The following SALL3 variants were observed in gnomAD, a reference collection of about 807,000 sequenced individuals.
The protein encoded by SALL3 is sal-like protein 3.
A neutral mutation model predicts 66.2 loss-of-function variants in SALL3; 25 were observed. That is an observed-to-expected ratio of 0.38 (90% confidence interval 0.28 to 0.53). The LOEUF is 0.53. Among genes scored for constraint, SALL3 ranks in the 20% least tolerant of loss-of-function variants. The pLI is 0.85. For synonymous variants in SALL3, 1,152 were observed against 899.1 expected, an observed-to-expected ratio of 1.28 and a Z score of -5.03; for missense variants, 2,194 against 1,916.5, an observed-to-expected ratio of 1.14 and a Z score of -2.70.
chr18:78,988,098 C>A (rs1914308011), intron 1 of SALL3, among the ~76,000 whole-genome samples: 1 of 152,102 alleles, frequency 6.6e-6, no homozygotes, highest in South Asian at 2.1e-4. Context: ...AAGTTTAGGC[C>A]ATATTAATTA....
At chr18:78,996,798 C>T (rs538230112) in intron 2 of SALL3, 93 bp from the exon 3 acceptor site, 16 of 1,303,208 alleles carry the variant, frequency 1.2e-5, no homozygotes, top group Admixed American at 8.2e-5. Context: ...CGCTTGGGAG[C>T]GGGGTGGACC....
chr18:78,996,987 C>G lies in SALL3; in HGVS notation c.3568C>G (p.Leu1190Val), dbSNP rs759144550. Residue 1190 changes from leucine (L) to valine (V), a missense_variant, in exon 3 of 3, where the codon CTG (leucine) becomes GTG (valine). Coordinates refer to ENST00000537592, the MANE Select transcript of SALL3 (RefSeq NM_171999.4). Reference protein sequence around the residue: ...NPMALLGGDALKFSEMFQKDL... With the variant: ...NPMALLGGDAVKFSEMFQKDL... ...CATGGCTCTCCTAGGGGGTGATGCC[C>G]TGAAGTTCTCTGAAATGTTCCAGAA... 5 of 1,613,980 alleles carry G rather than the reference C, an allele frequency of 3.1e-6. No homozygotes were observed. Among genetic ancestry groups the G allele is most frequent in the Non-Finnish European group, 4.2e-6 (5 of 1,180,056 alleles).
rs1328677347 is a variant in SALL3, at chr18:78,992,920, C to A, written c.929C>A (p.Ala310Glu). 1.0e-6 allele frequency: 1 copy of A among 993,070 alleles called. No homozygotes were observed. The highest frequency in any genetic ancestry group is 1.8e-5 in the African/African-American group (1 of 56,740). The allele number at this position is 993,070 out of a possible 1,614,324, so 61.5% of individuals were successfully genotyped here. A position where few individuals can be genotyped will look rare whatever the true frequency, so the allele number is the denominator to read the frequency against. The stretch of plus-strand genomic sequence containing the variant: ...CCCGGCGGCCCTGCGGAGCCCAGCG[C>A]GCCCGCCGCCCCCAGCGCCGCCCCT... Reference protein sequence around the residue: ...STPGGPAEPSAPAAPSAAPAP... With the variant: ...STPGGPAEPSEPAAPSAAPAP... The change falls in exon 2 of 3, where the codon GCG becomes GAG. Residue 310 changes from alanine (A) to glutamate (E), a missense_variant. Ala to Glu is a moderately radical substitution (Grantham distance 107, BLOSUM62 -1). Transcript: ENST00000537592.
chr18:78,996,862 C>T (rs933535711), intron 2 of SALL3, 29 bp from the exon 3 acceptor site: 5 of 1,574,688 alleles, frequency 3.2e-6, no homozygotes, highest in Non-Finnish European at 4.3e-6. Context: ...TAGGCACTTA[C>T]TCGTGGGCTG....
In SALL3 at chr18:78,992,164, C is replaced by G; in HGVS notation, c.173C>G (p.Ala58Gly). ...EETSVCEKCC[A>G]EFFKWADFLE... ...ACCAGCGTGTGCGAGAAATGCTGCG[C>G]CGAGTTCTTCAAGTGGGCGGACTTC... is the stretch of plus-strand genomic sequence containing the variant. The change falls in exon 2 of 3, where the codon GCC becomes GGC. Residue 58 changes from alanine (A) to glycine (G), a missense_variant. Ala to Gly is a moderately conservative substitution (Grantham distance 60, BLOSUM62 0). Transcript: ENST00000537592. 6.2e-7 allele frequency: 1 copy of G among 1,609,312 alleles called. No homozygotes were observed.
intron 1 of SALL3, among the ~76,000 whole-genome samples, chr18:78,984,285 A>G (rs1214795569): frequency 6.6e-6 from 1 of 152,224 alleles, no homozygotes; most frequent in East Asian, 1.9e-4. Flanking sequence ...GCTGACCATT[A>G]GTTGGAATTT....
At chr18:78,981,253 C>T (rs1349599825) in intron 1 of SALL3, among the ~76,000 whole-genome samples, 1 of 152,144 alleles carries the variant, frequency 6.6e-6, no homozygotes, top group East Asian at 1.9e-4. Context: ...CGAGTCAAAA[C>T]CTCGGCCGGC....
chr18:78,992,074 C>T lies in SALL3; in HGVS notation c.83C>T (p.Ala28Val), dbSNP rs775616927. The T allele has an allele frequency of 4.0e-6, 6 of 1,481,570 alleles. No homozygotes were observed. The highest frequency in any genetic ancestry group is 1.8e-4 in the Middle Eastern group (1 of 5,544). The allele number at this position is 1,481,570 out of a possible 1,614,324, so 91.8% of individuals were successfully genotyped here. Residue 28 changes from alanine (A) to valine (V), a missense_variant and splice_region_variant, in exon 2 of 3, where the codon GCC becomes GTC. Coordinates refer to ENST00000537592, the MANE Select transcript of SALL3 (RefSeq NM_171999.4). The stretch of plus-strand genomic sequence containing the variant: ...CTGACTCACTCTCTTGGTCTTGCAG[C>T]CGCCCCGGGGGAAGGTGCGGAGGAC... Reference protein sequence around the residue: ...LLPPDGAPEHAAPGEGAEDAD... With the variant: ...LLPPDGAPEHVAPGEGAEDAD...
At chr18:78,987,073 G>A (rs1461222906) in intron 1 of SALL3, among the ~76,000 whole-genome samples, 1 of 151,774 alleles carries the variant, frequency 6.6e-6, no homozygotes, top group African/African-American at 2.4e-5. Flanking sequence ...ACCTGTTTTA[G>A]GTTTTTTCTC....
rs776462630 is a variant in SALL3, at chr18:78,997,327, T to A, written c.*5T>A. The A allele has an allele frequency of 2.1e-5, 34 of 1,610,098 alleles. No homozygotes were observed. Among genetic ancestry groups the A allele is most frequent in the Non-Finnish European group, 2.7e-5 (32 of 1,177,496 alleles). On this transcript the variant is annotated 3_prime_UTR_variant, in exon 3 of 3. Transcript: ENST00000537592. The stretch of plus-strand genomic sequence containing the variant: ...AAGGAGATTGGTATCAACTAGCCAG[T>A]GACTCGCTCATCTGCCCTGCCCAGG...
Position 78,997,454 on chromosome 18 carries a change from G to A in SALL3, c.*132G>A. On this transcript the variant is annotated 3_prime_UTR_variant, in exon 3 of 3. Coordinates refer to ENST00000537592, the MANE Select transcript of SALL3 (RefSeq NM_171999.4). ...AAAACACTTTGTGCGGCTGCCGAGAGGTGGTCTTGTAAGCGCTGCATGGCG... is the reference window on the plus strand; with the variant it reads ...AAAACACTTTGTGCGGCTGCCGAGAAGTGGTCTTGTAAGCGCTGCATGGCG... 2 of 903,702 alleles carry A rather than the reference G, an allele frequency of 2.2e-6. No homozygotes were observed. Among genetic ancestry groups the A allele is most frequent in the Non-Finnish European group, 3.4e-6 (2 of 593,694 alleles). 56.0% of individuals were successfully genotyped at this position (903,702 alleles called of 1,614,324 possible).
At chr18:78,980,378 T>G in intron 1 of SALL3, 22 bp downstream of exon 1, 2 of 1,383,708 alleles carry the variant, frequency 1.4e-6, no homozygotes, top group Non-Finnish European at 1.9e-6. Context: ...GGCTGCGGGG[T>G]GGCCGGGGGG....
rs1264048516 is a variant in SALL3, at chr18:78,992,370, G to A, written c.379G>A (p.Val127Met). 2.0e-5 allele frequency: 27 copies of A among 1,335,810 alleles called. No individual in the cohort carries two copies. Among genetic ancestry groups the A allele is most frequent in the Non-Finnish European group, 2.6e-5 (27 of 1,049,804 alleles). 82.7% of individuals were successfully genotyped at this position (1,335,810 alleles called of 1,614,324 possible). A position where few individuals can be genotyped will look rare whatever the true frequency, so the allele number is the denominator to read the frequency against. Reference sequence around the variant, plus strand: ...GGGCGCGGAGGGCGAGGCCAGGCCGGTGGAGAAGGAGGCCGAGCCCATGGA... The same window carrying A: ...GGGCGCGGAGGGCGAGGCCAGGCCGATGGAGAAGGAGGCCGAGCCCATGGA... ...AEGAEGEARP[V>M]EKEAEPMDAE... The change falls in exon 2 of 3, where the codon GTG becomes ATG. Residue 127 changes from valine (V) to methionine (M), a missense_variant. Transcript: ENST00000537592.
intron 1 of SALL3, among the ~76,000 whole-genome samples, chr18:78,988,333 G>A (rs925702486): frequency 1.3e-5 from 2 of 152,144 alleles, no homozygotes; most frequent in African/African-American, 4.8e-5. Context: ...AGTAAATAAT[G>A]TCAGATTGGC....
rs755937032 is a variant in SALL3 at position 78,993,506 on chromosome 18, C to T, written c.1515C>T (p.Pro505=). 6 of 1,603,574 alleles carry T rather than the reference C, an allele frequency of 3.7e-6. No homozygotes were observed. Among genetic ancestry groups the T allele is most frequent in the Non-Finnish European group, 5.1e-6 (6 of 1,176,592 alleles). ...SGIPYGMSLP[P]EKPVTTWLDS... The stretch of plus-strand genomic sequence containing the variant: ...TCCCCTACGGCATGTCGCTGCCCCC[C>T]GAGAAGCCCGTGACCACCTGGCTGG... Residue 505 remains proline (P), a synonymous_variant, in exon 2 of 3, where the codon CCC becomes CCT. Transcript: ENST00000537592.
chr18:78,981,949 G>C (rs911526910), intron 1 of SALL3, among the ~76,000 whole-genome samples: 4 of 152,146 alleles, frequency 2.6e-5, no homozygotes, highest in African/African-American at 9.7e-5. Flanking sequence ...TATTATTGTG[G>C]CTCCTGAATG....
chr18:78,993,062 C>T lies in SALL3; in HGVS notation c.1071C>T (p.Gly357=), dbSNP rs529397332. 4 of 1,591,270 alleles carry T rather than the reference C, an allele frequency of 2.5e-6. No homozygotes were observed. Among genetic ancestry groups the T allele is most frequent in the Middle Eastern group, 2.1e-4 (1 of 4,820 alleles). The change falls in exon 2 of 3, where the codon GGC becomes GGT. Residue 357 remains glycine (G), a synonymous_variant. Coordinates refer to ENST00000537592, the MANE Select transcript of SALL3 (RefSeq NM_171999.4). ...APGSLLGAAP[G]LPSPLLPQTS... is the part of the protein sequence containing the mutation. ...GGTCCCTGCTGGGTGCGGCGCCCGGCCTGCCAAGTCCGCTTCTACCTCAGA... is the reference window on the plus strand; with the variant it reads ...GGTCCCTGCTGGGTGCGGCGCCCGGTCTGCCAAGTCCGCTTCTACCTCAGA...
chr18:78,988,763 A>T (rs1406089444), intron 1 of SALL3, among the ~76,000 whole-genome samples: 2 of 152,238 alleles, frequency 1.3e-5, no homozygotes, highest in Non-Finnish European at 2.9e-5. Flanking sequence ...CGCGAGAACA[A>T]TTGAGGTGAT....
At position 78,998,235 on chromosome 18, in the gene SALL3, A is replaced by G. The variant is rs1428653730; in HGVS notation, c.*913A>G. 6.6e-6 allele frequency: 1 copy of G among 152,368 alleles called. No individual in the cohort carries two copies. Among genetic ancestry groups the G allele is most frequent in the East Asian group, 1.9e-4 (1 of 5,206 alleles). The allele number at this position is 152,368 out of a possible 1,614,324, so 9.4% of individuals were successfully genotyped here. ...TAATGTGGTTGCAAACTCTTAATTT[A>G]TACTATTGCACTTTTAGTATTTTGT... On this transcript the variant is annotated 3_prime_UTR_variant, in exon 3 of 3. Transcript: ENST00000537592.
Sources: allele counts gnomAD v4.1 joint callset (sites outside exome capture counted in the v4.1 genomes callset), GRCh38; gene constraint gnomAD v4.1.1; transcripts MANE v1.5; gene names NCBI Gene and HGNC (gene_info 2026-07-23, HGNC 2026-07-21).